The following LMTK2 variants were observed in gnomAD, a reference collection of about 807,000 sequenced individuals.
The protein encoded by LMTK2 is serine/threonine-protein kinase LMTK2.
A neutral mutation model predicts 127.5 loss-of-function variants in LMTK2; 37 were observed. The observed-to-expected ratio is 0.29, with a 90% CI of 0.22 to 0.38. The LOEUF is 0.38. Ranked by LOEUF, LMTK2 falls within the 10% of genes least tolerant of loss-of-function variation. LMTK2 has a pLI of 1.00. For missense variants in LMTK2, 1,694 were observed against 1,920.3 expected (o/e 0.88, Z 2.20); for synonymous variants, 819 against 810.1 (o/e 1.01, Z -0.19).
intron 2 of LMTK2, among the ~76,000 whole-genome samples, chr7:98,140,092 TTCTTTCTTTC>T (rs1562902455): frequency 8.0e-4 from 2 of 2,486 alleles, no homozygotes; most frequent in African/African-American, 2.7e-3. Flanking sequence ...CTTTCTTTCT[TTCTTTCTTTC>T]TTTCTTTCTT....
At chr7:98,109,743 CAAAA>C (rs1156337163) in intron 1 of LMTK2, among the ~76,000 whole-genome samples, 6 of 53,300 alleles carry the variant, frequency 1.1e-4, no homozygotes, top group Non-Finnish European at 2.0e-4. Flanking sequence ...GACTCCGTCT[CAAAA>C]AAAAAAAAAA....
At chr7:98,205,071 G>A (rs1337151632) in intron 13 of LMTK2, among the ~76,000 whole-genome samples, 4 of 152,192 alleles carry the variant, frequency 2.6e-5, no homozygotes, top group Non-Finnish European at 5.9e-5. Context: ...GAAAGATAAA[G>A]GTTAATAGGC....
chr7:98,146,167 A>G (rs1268427502), intron 3 of LMTK2, among the ~76,000 whole-genome samples: 2 of 152,166 alleles, frequency 1.3e-5, no homozygotes, highest in African/African-American at 2.4e-5. Context: ...ATCTTGATAC[A>G]GACTCTTGAT....
chr7:98,138,832 T>C (rs537663690), intron 2 of LMTK2, among the ~76,000 whole-genome samples: 1 of 152,308 alleles, frequency 6.6e-6, no homozygotes, highest in East Asian at 1.9e-4. Context: ...GGGAGTTCAT[T>C]TGAGAGCCAG....
intron 8 of LMTK2, 38 bp from the exon 9 acceptor site, chr7:98,186,839 A>G (rs749354416): frequency 1.1e-5 from 18 of 1,587,020 alleles, no homozygotes; most frequent in Non-Finnish European, 1.3e-5. Flanking sequence ...CAAAAGTATA[A>G]TTCTATTCAA....
rs568165039 is a variant in LMTK2, at chr7:98,205,553, C to G, written c.*61C>G. On this transcript the variant is annotated 3_prime_UTR_variant, in exon 14 of 14. Coordinates refer to ENST00000297293, the MANE Select transcript of LMTK2 (RefSeq NM_014916.4). ...CTCCCCTGGAGCGGCGCCCCTGCGC[C>G]CTCAGCCCGAGCAGCGACATCCACT... The G allele has an allele frequency of 3.2e-6, 5 of 1,577,322 alleles. No homozygotes were observed. In the African/African-American group the frequency reaches 6.7e-5, roughly 21 times the overall value.
chr7:98,118,424 C>T (rs1796317526), intron 1 of LMTK2, among the ~76,000 whole-genome samples: 1 of 152,094 alleles, frequency 6.6e-6, no homozygotes, highest in South Asian at 2.1e-4. Context: ...TAGGCAACTC[C>T]TTGAATTGGT....
intron 1 of LMTK2, among the ~76,000 whole-genome samples, chr7:98,136,432 A>G (rs1255070858): frequency 2.6e-5 from 4 of 152,220 alleles, no homozygotes; most frequent in African/African-American, 9.6e-5. Flanking sequence ...TGAAGGAGAA[A>G]CAGGCAGTTG....
At chr7:98,127,725 A>C (rs1003286418) in intron 1 of LMTK2, among the ~76,000 whole-genome samples, 1 of 152,252 alleles carries the variant, frequency 6.6e-6, no homozygotes, top group African/African-American at 2.4e-5. Context: ...TAACACAAAG[A>C]AATGATCGAT....
At chr7:98,200,992 C>G (rs1411443078) in intron 11 of LMTK2, among the ~76,000 whole-genome samples, 4 of 152,036 alleles carry the variant, frequency 2.6e-5, no homozygotes, top group Non-Finnish European at 4.4e-5. Context: ...AACCCTTTCC[C>G]TTCTAATTAA....
At chr7:98,169,670 C>T (rs1481884326) in intron 6 of LMTK2, among the ~76,000 whole-genome samples, 15 of 152,152 alleles carry the variant, frequency 9.9e-5, no homozygotes, top group Admixed American at 9.8e-4. Flanking sequence ...ATGAAACTCC[C>T]AGCTGCCTGT....
intron 7 of LMTK2, among the ~76,000 whole-genome samples, chr7:98,184,311 G>A (rs543964293): frequency 1.3e-5 from 2 of 152,128 alleles, no homozygotes; most frequent in Non-Finnish European, 2.9e-5. Context: ...CACCAGTTCC[G>A]AGTGTTTTCT....
At position 98,106,922 on chromosome 7, in the gene LMTK2, A is replaced by C. The variant is rs889047318; in HGVS notation, c.-256A>C. 1.3e-5 allele frequency: 6 copies of C among 452,182 alleles called. No homozygotes were observed. Among genetic ancestry groups the C allele is most frequent in the Non-Finnish European group, 7.8e-6 (2 of 255,354 alleles). 28.0% of individuals were successfully genotyped at this position (452,182 alleles called of 1,614,324 possible). A position where few individuals can be genotyped will look rare whatever the true frequency, so the allele number is the denominator to read the frequency against. ...CGGCTTCCCAGGCCCGCCGCTCCGCAGGGCTGCTGGCGTTGCTGCTGTTGA... is the reference window on the plus strand; with the variant it reads ...CGGCTTCCCAGGCCCGCCGCTCCGCCGGGCTGCTGGCGTTGCTGCTGTTGA... On this transcript the variant is annotated 5_prime_UTR_variant, in exon 1 of 14. Transcript: ENST00000297293.
Position 98,192,332 on chromosome 7 carries a change from C to G in LMTK2, c.1867C>G (p.His623Asp). Residue 623 changes from histidine to aspartate, a missense_variant, in exon 11 of 14, where the codon CAC (histidine) becomes GAC (aspartate). His to Asp is a moderately conservative substitution (Grantham distance 81, BLOSUM62 -1). Coordinates refer to ENST00000297293, the MANE Select transcript of LMTK2 (RefSeq NM_014916.4). Reference protein sequence around the residue: ...PKDSSLPGDLHVTSGPESPFN... With the variant: ...PKDSSLPGDLDVTSGPESPFN... The stretch of plus-strand genomic sequence containing the variant: ...AGACTCTAGCTTACCAGGGGACTTA[C>G]ACGTGACCAGTGGCCCCGAGAGCCC... The G allele has an allele frequency of 1.3e-6, 2 of 1,570,380 alleles. No individual in the cohort carries two copies. Among genetic ancestry groups the G allele is most frequent in the Non-Finnish European group, 1.7e-6 (2 of 1,162,908 alleles).
intron 1 of LMTK2, among the ~76,000 whole-genome samples, chr7:98,135,655 G>A (rs560418605): frequency 1.3e-5 from 2 of 152,200 alleles, no homozygotes; most frequent in African/African-American, 4.8e-5. Flanking sequence ...TTATTTCTCA[G>A]TAAAACTCCA....
At chr7:98,170,959 G>A (rs1014561412) in intron 6 of LMTK2, among the ~76,000 whole-genome samples, 1 of 152,260 alleles carries the variant, frequency 6.6e-6, no homozygotes, top group South Asian at 2.1e-4. Context: ...TTTTTCTGGA[G>A]TGGCTGAAAT....
At chr7:98,121,976 C>G (rs1006557350) in intron 1 of LMTK2, among the ~76,000 whole-genome samples, 14 of 152,010 alleles carry the variant, frequency 9.2e-5, no homozygotes, top group Non-Finnish European at 1.6e-4. Flanking sequence ...GCCTGGGCGA[C>G]AGAGCCGGAC....
chr7:98,132,085 C>CCGCTT (rs943136808), intron 1 of LMTK2, among the ~76,000 whole-genome samples: 2 of 152,174 alleles, frequency 1.3e-5, no homozygotes, highest in Non-Finnish European at 2.9e-5. Context: ...TGGGAGCAAA[C>CCGCTT]CGCTTTAGAG....
intron 11 of LMTK2, among the ~76,000 whole-genome samples, chr7:98,203,134 T>C (rs144353914): frequency 1.2e-4 from 18 of 152,302 alleles, no homozygotes; most frequent in Admixed American, 1.1e-3. Context: ...CCCCCTTCTC[T>C]TTCTGAGCAT....
Sources: allele counts gnomAD v4.1 joint callset (sites outside exome capture counted in the v4.1 genomes callset), GRCh38; gene constraint gnomAD v4.1.1; transcripts MANE v1.5; gene names NCBI Gene and HGNC (gene_info 2026-07-23, HGNC 2026-07-21).